PLCH1: variants seen among roughly 807,000 people sequenced by gnomAD.
The protein encoded by PLCH1 is 1-phosphatidylinositol 4,5-bisphosphate phosphodiesterase eta-1.
Under a neutral mutation model 126.7 loss-of-function variants are expected in PLCH1, and 60 were observed. The ratio of observed to expected loss-of-function variants is 0.47; its 90% CI spans 0.38 to 0.59. The LOEUF (loss-of-function observed/expected upper bound fraction) is 0.59. Among genes scored for constraint, PLCH1 ranks in the 20% least tolerant of loss-of-function variants. The pLI, the probability that PLCH1 is intolerant of heterozygous loss-of-function variation, is 0.00. For missense variants in PLCH1, 1,723 were observed against 2,040.0 expected (o/e 0.84, Z 2.99); for synonymous variants, 719 against 734.9 (o/e 0.98, Z 0.35).
intron 1 of PLCH1, among the ~76,000 whole-genome samples, chr3:155,741,633 T>C (rs1749624827): frequency 7.2e-6 from 1 of 139,820 alleles, no homozygotes; most frequent in Non-Finnish European, 1.5e-5. Flanking sequence ...AGTTAAATGT[T>C]TAAATACTCT....
chr3:155,682,828 A>T (rs149280901), intron 2 of PLCH1, among the ~76,000 whole-genome samples: 1 of 152,222 alleles, frequency 6.6e-6, no homozygotes, highest in Non-Finnish European at 1.5e-5. Context: ...AACCCAGTGT[A>T]TTACAAAAAT....
chr3:155,554,048 C>A (rs774876658), intron 9 of PLCH1, 28 bp downstream of exon 9: 6 of 1,610,602 alleles, frequency 3.7e-6, no homozygotes, highest in Non-Finnish European at 5.1e-6. Context: ...GAGGCTACCG[C>A]TTAGCTCACA....
chr3:155,500,016 A>G (rs181315607), intron 14 of PLCH1, among the ~76,000 whole-genome samples: 1 of 152,146 alleles, frequency 6.6e-6, no homozygotes, highest in Non-Finnish European at 1.5e-5. Flanking sequence ...AAAAGTGTGT[A>G]TATGTATCCA....
intron 21 of PLCH1, among the ~76,000 whole-genome samples, chr3:155,465,569 T>C (rs573479818): frequency 6.6e-6 from 1 of 152,100 alleles, no homozygotes; most frequent in African/African-American, 2.4e-5. Context: ...GTGGTGGCTA[T>C]GGGCAAACTC....
chr3:155,586,021 C>T, intron 5 of PLCH1, 44 bp downstream of exon 5: 1 of 1,575,926 alleles, frequency 6.3e-7, no homozygotes, highest in Non-Finnish European at 8.7e-7. Flanking sequence ...TGTTAATAAC[C>T]TCTGTGTATT....
intron 15 of PLCH1, among the ~76,000 whole-genome samples, chr3:155,496,621 C>T (rs1009622541): frequency 6.6e-6 from 1 of 152,130 alleles, no homozygotes; most frequent in African/African-American, 2.4e-5. Context: ...TCCTGATTTA[C>T]ATTTCGGTTC....
chr3:155,569,728 C>T (rs1053940910), intron 6 of PLCH1, among the ~76,000 whole-genome samples: 1 of 152,072 alleles, frequency 6.6e-6, no homozygotes, highest in Non-Finnish European at 1.5e-5. Context: ...ATTTTACATG[C>T]CGTGTGAAGA....
chr3:155,719,170 C>T (rs1437265664), intron 1 of PLCH1, among the ~76,000 whole-genome samples: 1 of 152,158 alleles, frequency 6.6e-6, no homozygotes, highest in Admixed American at 6.5e-5. Flanking sequence ...CACCCTCCTT[C>T]TACCCTTTCC....
intron 10 of PLCH1, among the ~76,000 whole-genome samples, chr3:155,536,564 A>G (rs1462831867): frequency 2.0e-5 from 3 of 152,198 alleles, no homozygotes; most frequent in Admixed American, 6.5e-5. Flanking sequence ...TCAAACAAGT[A>G]GAAGAAAGAA....
chr3:155,537,616 A>G (rs1723618235), intron 10 of PLCH1, among the ~76,000 whole-genome samples: 1 of 152,118 alleles, frequency 6.6e-6, no homozygotes, highest in Non-Finnish European at 1.5e-5. Flanking sequence ...CAGACAAAAC[A>G]AACTTTAAAG....
At chr3:155,522,323 T>C (rs565341522) in intron 11 of PLCH1, among the ~76,000 whole-genome samples, 15 of 152,248 alleles carry the variant, frequency 9.9e-5, no homozygotes, top group African/African-American at 3.6e-4. Context: ...ATTAACTGTA[T>C]AATGACACCT....
At chr3:155,612,655 A>C (rs1735260907) in intron 2 of PLCH1, among the ~76,000 whole-genome samples, 1 of 152,164 alleles carries the variant, frequency 6.6e-6, no homozygotes, top group South Asian at 2.1e-4. Context: ...TCATGCCTAT[A>C]ATCCCAGTAC....
At chr3:155,477,898 A>G (rs1560035858), downstream of PLCH1, among the ~76,000 whole-genome samples, 3 of 152,220 alleles carry the variant, frequency 2.0e-5, no homozygotes, top group Non-Finnish European at 4.4e-5. Context: ...ACTTCTAGGT[A>G]TATACCCAAA....
chr3:155,577,347 G>T (rs1374504775), intron 6 of PLCH1, among the ~76,000 whole-genome samples: 7 of 151,684 alleles, frequency 4.6e-5, no homozygotes, highest in African/African-American at 1.2e-4. Flanking sequence ...GTATGATTTT[G>T]TAAAGGTTTC....
chr3:155,485,922 A>G, intron 21 of PLCH1: 1 of 601,250 alleles, frequency 1.7e-6, no homozygotes, highest in Non-Finnish European at 2.9e-6. Context: ...TCAGCCTTCC[A>G]TTCTTACATC....
At chr3:155,615,777 AT>A (rs993251047) in intron 2 of PLCH1, among the ~76,000 whole-genome samples, 4 of 149,314 alleles carry the variant, frequency 2.7e-5, no homozygotes, top group African/African-American at 9.8e-5. Context: ...GAGGGTTGGG[AT>A]GGGGGTGAAG....
chr3:155,610,287 G>T (rs1187584835), intron 2 of PLCH1, among the ~76,000 whole-genome samples: 6 of 149,758 alleles, frequency 4.0e-5, no homozygotes, highest in Non-Finnish European at 7.4e-5. Flanking sequence ...CTTGAACCTG[G>T]GAGGCAGAGG....
At chr3:155,512,497 G>A (rs1719719831) in intron 12 of PLCH1, among the ~76,000 whole-genome samples, 1 of 152,172 alleles carries the variant, frequency 6.6e-6, no homozygotes, top group South Asian at 2.1e-4. Flanking sequence ...TGGATTTGAG[G>A]ATTAAGAACT....
chr3:155,676,359 A>G (rs1744085864), intron 2 of PLCH1: 2 of 1,057,990 alleles, frequency 1.9e-6, no homozygotes, highest in South Asian at 8.9e-5. Flanking sequence ...CGCTGTGGCT[A>G]CTTTGGGTAT....
Sources: allele counts gnomAD v4.1 joint callset (sites outside exome capture counted in the v4.1 genomes callset), GRCh38; gene constraint gnomAD v4.1.1; transcripts MANE v1.5; gene names NCBI Gene and HGNC (gene_info 2026-07-23, HGNC 2026-07-21).